Variants in POU6F2 observed in about 807,000 individuals in gnomAD.
The protein encoded by POU6F2 is POU class 6 homeobox 2, also known as POU domain, class 6, transcription factor 2.
POU6F2 carries 31 observed loss-of-function variants against 71.3 expected under a neutral mutation model. That is an observed-to-expected ratio of 0.43 (90% CI 0.33 to 0.59). The LOEUF is 0.59. Ranked by LOEUF, POU6F2 falls within the 20% of genes least tolerant of loss-of-function variation. POU6F2 has a pLI of 0.04. For missense variants in POU6F2, 783 were observed against 856.8 expected (o/e 0.91, Z 1.07); for synonymous variants, 347 against 355.7 (o/e 0.98, Z 0.27).
chr7:39,063,788 T>C (rs989606866), intron 1 of POU6F2, among the ~76,000 whole-genome samples: 1 of 152,054 alleles, frequency 6.6e-6, no homozygotes, highest in Non-Finnish European at 1.5e-5. Context: ...AAAATATTAT[T>C]TGTAAAAGAA....
rs565759727 is a variant in POU6F2, at chr7:39,113,134, T to G, written c.277+27103T>G. 3.3e-5 allele frequency among the ~76,000 whole-genome samples: 5 copies of G among 152,304 alleles called. No individual in the cohort carries two copies. The East Asian group carries it at 5.8e-4, about 18-fold the overall frequency. ...GTCTTGAATTTAAATTCCAAAACTA[T>G]GCTCAAGGAAGGGCCTCTTGGTACC... On this transcript the variant is annotated intron_variant, in intron 2 of 9. Coordinates refer to ENST00000518318, the MANE Select transcript of POU6F2 (RefSeq NM_001370959.1).
intron 6 of POU6F2, among the ~76,000 whole-genome samples, chr7:39,416,696 G>T (rs917965116): frequency 3.9e-5 from 6 of 152,114 alleles, no homozygotes; most frequent in African/African-American, 1.4e-4. Context: ...AGACACCACT[G>T]ATTTTAAATT....
intron 1 of POU6F2, among the ~76,000 whole-genome samples, chr7:39,059,232 T>C (rs1054482063): frequency 1.3e-5 from 2 of 152,092 alleles, no homozygotes; most frequent in African/African-American, 4.8e-5. Context: ...TTTTAAAATA[T>C]TATGTTTAGA....
intron 5 of POU6F2, among the ~76,000 whole-genome samples, chr7:39,383,681 CAT>C (rs1786876045): frequency 2.0e-5 from 3 of 152,166 alleles, no homozygotes; most frequent in Admixed American, 2.0e-4. Context: ...ACAAACCAGT[CAT>C]GTGATGCAGT....
rs544822889 is a variant in POU6F2 at position 39,226,880 on chromosome 7, G to A, written c.598+19260G>A. On this transcript the variant is annotated intron_variant, in intron 4 of 9. Transcript: ENST00000518318. ...TAATGAGCTGATGTGAATTTTGAAC[G>A]GGAATGAGTTGCGGGCTTAATTTCA... 3.9e-4 allele frequency among the ~76,000 whole-genome samples: 59 copies of A among 152,134 alleles called. 1 individual carries two copies. The highest frequency in any genetic ancestry group is 2.9e-4 in the Non-Finnish European group (20 of 68,018).
At position 39,177,391 on chromosome 7, in the gene POU6F2, C is replaced by G. The variant is rs559387149; in HGVS notation, c.278-26844C>G. 5.9e-5 allele frequency among the ~76,000 whole-genome samples: 9 copies of G among 152,336 alleles called. 1 individual carries two copies. The South Asian group carries it at 1.2e-3, about 21-fold the overall frequency. ...CTGATGGGGCATCAGGATTCACTCC[C>G]AGTGTCTGCCATTGGCCATATGGGG... On this transcript the variant is annotated intron_variant, in intron 2 of 9. Coordinates refer to ENST00000518318, the MANE Select transcript of POU6F2 (RefSeq NM_001370959.1).
At chr7:39,177,466 T>C (rs886961784) in intron 2 of POU6F2, among the ~76,000 whole-genome samples, 3 of 152,192 alleles carry the variant, frequency 2.0e-5, no homozygotes, top group African/African-American at 7.2e-5. Flanking sequence ...TAAGAACACC[T>C]GGATGAGACA....
At chr7:39,383,663 A>G (rs960595727) in intron 5 of POU6F2, among the ~76,000 whole-genome samples, 1 of 152,148 alleles carries the variant, frequency 6.6e-6, no homozygotes, top group Non-Finnish European at 1.5e-5. Flanking sequence ...GGTGTCCACA[A>G]TCACACAACA....
chr7:39,406,652 G>A lies in POU6F2; in HGVS notation c.1025G>A (p.Ser342Asn). Residue 342 changes from serine to asparagine, a missense_variant, in exon 6 of 10, where the codon AGC becomes AAC. Ser to Asn is a conservative substitution (Grantham distance 46, BLOSUM62 1). Around this residue, in one of 2 missense-constraint regions of POU6F2, gnomAD observed 572 missense variants for 572.9 expected, o/e 1.00. Coordinates refer to ENST00000518318, the MANE Select transcript of POU6F2 (RefSeq NM_001370959.1). Reference sequence around the variant, plus strand: ...GCTGCAGCGGCTGCAGCAGCCATGAGCTCCATAGCAAGCTCACAGGCCTTT... The same window carrying A: ...GCTGCAGCGGCTGCAGCAGCCATGAACTCCATAGCAAGCTCACAGGCCTTT... ...SQAAAAAAAMSSIASSQAFGN... is the reference protein window; with the variant it reads ...SQAAAAAAAMNSIASSQAFGN... 2 of 1,613,732 alleles carry A rather than the reference G, an allele frequency of 1.2e-6. No individual in the cohort carries two copies. The highest frequency in any genetic ancestry group is 1.7e-6 in the Non-Finnish European group (2 of 1,179,848).
intron 4 of POU6F2, among the ~76,000 whole-genome samples, chr7:39,296,531 G>A (rs1469197598): frequency 6.6e-6 from 1 of 152,040 alleles, no homozygotes; most frequent in African/African-American, 2.4e-5. Flanking sequence ...GTAGCTCTTG[G>A]GATAAAAGCC....
At chr7:39,385,700 T>C (rs1019439193) in intron 5 of POU6F2, among the ~76,000 whole-genome samples, 2 of 152,150 alleles carry the variant, frequency 1.3e-5, no homozygotes, top group Non-Finnish European at 2.9e-5. Flanking sequence ...CCCTCTTCAA[T>C]GGAGAAGTGT....
intron 6 of POU6F2, among the ~76,000 whole-genome samples, chr7:39,420,354 T>C (rs1787824529): frequency 6.6e-6 from 1 of 152,184 alleles, no homozygotes; most frequent in Non-Finnish European, 1.5e-5. Context: ...GGAAATGACA[T>C]AGTGTGCTAC....
At chr7:39,125,650 G>A (rs538952548) in intron 2 of POU6F2, among the ~76,000 whole-genome samples, 2 of 152,190 alleles carry the variant, frequency 1.3e-5, no homozygotes, top group East Asian at 3.9e-4. Flanking sequence ...AGAGGAGGAA[G>A]CATAAAGAAA....
rs1431705728 is a variant in POU6F2, at chr7:39,461,483, G to A, written c.1658+768G>A. ...TTCGGTAAGAGCTTTTTCCTCTTGG[G>A]CAATACCTTATGAGTCCTCCTCCAA... is the stretch of plus-strand genomic sequence containing the variant. On this transcript the variant is annotated intron_variant, in intron 9 of 9. Coordinates refer to ENST00000518318, the MANE Select transcript of POU6F2 (RefSeq NM_001370959.1). Among the ~76,000 whole-genome samples the A allele has an allele frequency of 2.0e-5, 3 of 152,106 alleles. No individual in the cohort carries two copies. The East Asian group carries it at 5.8e-4, about 29-fold the overall frequency.
chr7:39,436,622 C>T (rs190203647), intron 7 of POU6F2, among the ~76,000 whole-genome samples: 1 of 152,246 alleles, frequency 6.6e-6, no homozygotes, highest in Middle Eastern at 3.4e-3. Context: ...ATTTTCCTCT[C>T]TCGCCTGATT....
intron 4 of POU6F2, among the ~76,000 whole-genome samples, chr7:39,315,408 A>G (rs1046313505): frequency 3.9e-5 from 6 of 152,184 alleles, no homozygotes; most frequent in African/African-American, 1.4e-4. Flanking sequence ...GAGGAGGTGT[A>G]TTAAGTGTGA....
At chr7:39,197,831 A>G (rs901023560) in intron 2 of POU6F2, among the ~76,000 whole-genome samples, 2 of 152,228 alleles carry the variant, frequency 1.3e-5, no homozygotes, top group Non-Finnish European at 2.9e-5. Flanking sequence ...ATGTACCTCA[A>G]CACCACCATA....
intron 5 of POU6F2, among the ~76,000 whole-genome samples, chr7:39,356,916 T>C (rs1290827588): frequency 1.3e-5 from 2 of 152,200 alleles, no homozygotes; most frequent in Non-Finnish European, 2.9e-5. Flanking sequence ...GTTTATTTTA[T>C]CTGGGAAGAA....
chr7:39,272,911 C>T (rs1302312457), intron 4 of POU6F2, among the ~76,000 whole-genome samples: 3 of 152,150 alleles, frequency 2.0e-5, no homozygotes, highest in Non-Finnish European at 4.4e-5. Context: ...AAGTCAGAGC[C>T]ACTGCCCTCC....
Sources: allele counts gnomAD v4.1 joint callset (sites outside exome capture counted in the v4.1 genomes callset), GRCh38; gene constraint gnomAD v4.1.1; regional missense constraint gnomAD v4.1.1; transcripts MANE v1.5; gene names NCBI Gene and HGNC (gene_info 2026-07-23, HGNC 2026-07-21).